The following SOS1 variants were observed in gnomAD, a reference collection of about 807,000 sequenced individuals.
SOS1 encodes the protein son of sevenless homolog 1.
SOS1 carries 25 observed loss-of-function variants against 157.6 expected under a neutral mutation model. That is an observed-to-expected ratio of 0.16 (90% CI 0.12 to 0.22). The LOEUF (loss-of-function observed/expected upper bound fraction) is 0.22, where lower values mean the gene tolerates loss of function less well. Ranked by LOEUF, SOS1 falls within the 10% of genes least tolerant of loss-of-function variation. The pLI is 1.00. For synonymous variants in SOS1, 528 were observed against 534.0 expected (o/e 0.99, Z 0.16); for missense variants, 1,237 against 1,599.1 (o/e 0.77, Z 3.86).
In SOS1 at chr2:38,987,567, C is replaced by T; in HGVS notation, c.3416G>A (p.Ser1139Asn). The T allele has an allele frequency of 6.3e-7, 1 of 1,583,692 alleles. No individual in the cohort carries two copies. Among genetic ancestry groups the T allele is most frequent in the South Asian group, 1.1e-5 (1 of 89,692 alleles). The change falls in exon 22 of 23, where the codon AGT (serine) becomes AAT (asparagine). Residue 1139 changes from serine to asparagine, a missense_variant. By Grantham distance (46) the Ser-to-Asn change is conservative. Around this residue, in one of 15 missense-constraint regions of SOS1, gnomAD observed 306 missense variants for 322.6 expected, o/e 0.95. Coordinates refer to ENST00000402219, the MANE Select transcript of SOS1 (RefSeq NM_005633.4). ...CACTTCATCAGTGCCTTTGGTTAAA[C>T]TTATAGATGATACAGAAGCAGATCC... ...GPRSASVSSISLTKGTDEVPV... is the reference protein window; with the variant it reads ...GPRSASVSSINLTKGTDEVPV...
At chr2:39,007,258 A>G (rs570612413) in intron 15 of SOS1, 65 bp from the exon 16 acceptor site, 6 of 1,023,586 alleles carry the variant, frequency 5.9e-6, no homozygotes. Flanking sequence ...TAGCTTAAAG[A>G]ATTTAGTAAA....
chr2:39,027,234 G>C (rs1354172585), intron 8 of SOS1, among the ~76,000 whole-genome samples: 1 of 152,012 alleles, frequency 6.6e-6, no homozygotes, highest in African/African-American at 2.4e-5. Context: ...AAATCCACTT[G>C]GACATCCTTT....
At chr2:39,010,306 ACT>A (rs1457967593) in intron 15 of SOS1, among the ~76,000 whole-genome samples, 1 of 149,910 alleles carries the variant, frequency 6.7e-6, no homozygotes, top group Non-Finnish European at 1.5e-5. Flanking sequence ...ACAGAGCCAG[ACT>A]CTGTCTCAAA....
intron 20 of SOS1, among the ~76,000 whole-genome samples, chr2:38,990,993 C>T (rs1456329401): frequency 6.6e-6 from 1 of 151,980 alleles, no homozygotes; most frequent in Non-Finnish European, 1.5e-5. Context: ...AGCATAATCC[C>T]AGATGACAGA....
intron 3 of SOS1, 73 bp from the exon 4 acceptor site, chr2:39,056,939 AC>A: frequency 9.4e-7 from 1 of 1,067,758 alleles, no homozygotes; most frequent in Non-Finnish European, 1.4e-6. Context: ...AAAATAAAAA[AC>A]ATATTTGCAC....
chr2:39,087,863 G>A (rs973644617), intron 1 of SOS1, among the ~76,000 whole-genome samples: 2 of 151,888 alleles, frequency 1.3e-5, no homozygotes, highest in African/African-American at 2.4e-5. Flanking sequence ...AATTTTTTTA[G>A]AGATGGGGCT....
chr2:39,042,940 G>A (rs1167814935), intron 6 of SOS1, among the ~76,000 whole-genome samples: 2 of 151,802 alleles, frequency 1.3e-5, no homozygotes, highest in Non-Finnish European at 2.9e-5. Flanking sequence ...AAATTTTCTT[G>A]GGTTTGCTAT....
At chr2:39,058,564 AT>A in intron 3 of SOS1, 108 bp downstream of exon 3, 2 of 1,197,540 alleles carry the variant, frequency 1.7e-6, no homozygotes, top group Non-Finnish European at 2.4e-6. Flanking sequence ...GAATGAGAGA[AT>A]TTTACTCTTA....
intron 8 of SOS1, among the ~76,000 whole-genome samples, chr2:39,031,287 C>T (rs1670151555): frequency 6.6e-6 from 1 of 152,130 alleles, no homozygotes; most frequent in South Asian, 2.1e-4. Flanking sequence ...AGGCAATTCT[C>T]TAGGGAATTC....
At chr2:39,000,343 T>C (rs550383631) in intron 17 of SOS1, among the ~76,000 whole-genome samples, 1 of 152,322 alleles carries the variant, frequency 6.6e-6, no homozygotes, top group South Asian at 2.1e-4. Context: ...TATATACACA[T>C]ATATAGTTTA....
At position 38,985,623 on chromosome 2, in the gene SOS1, T is replaced by G. The variant is rs574669037; in HGVS notation, c.*201A>C. The G allele has an allele frequency of 6.3e-6, 4 of 633,984 alleles. No individual in the cohort carries two copies. In the South Asian group the frequency reaches 7.6e-5, roughly 12 times the overall value. 39.3% of individuals were successfully genotyped at this position (633,984 alleles called of 1,614,324 possible). A position where few individuals can be genotyped will look rare whatever the true frequency, so the allele number is the denominator to read the frequency against. The stretch of plus-strand genomic sequence containing the variant: ...GTTGTCCAATTCCTCTAGGTCGGTC[T>G]TTCCATATTCTAAACTGGAATACCA... On this transcript the variant is annotated 3_prime_UTR_variant, in exon 23 of 23. Coordinates refer to ENST00000402219, the MANE Select transcript of SOS1 (RefSeq NM_005633.4).
intron 19 of SOS1, 114 bp from the exon 20 acceptor site, chr2:38,995,501 A>G: frequency 1.3e-6 from 1 of 782,412 alleles, no homozygotes; most frequent in African/African-American, 1.7e-5. Flanking sequence ...TAAATCACTA[A>G]TAAGGACATA....
chr2:38,993,500 T>G (rs1668795967), intron 20 of SOS1: 1 of 152,150 alleles, frequency 6.6e-6, no homozygotes, highest in African/African-American at 2.4e-5. Flanking sequence ...CAAAGACTAC[T>G]GGGTAACTAC....
intron 1 of SOS1, among the ~76,000 whole-genome samples, chr2:39,110,026 T>TTG (rs150125819): frequency 0.015 from 2,053 of 134,156 alleles, 47 homozygotes; most frequent in African/African-American, 0.042. Flanking sequence ...ACAGATACAG[T>TTG]TGTGTGTGTG....
upstream of SOS1, among the ~76,000 whole-genome samples, chr2:39,123,115 A>G (rs143631079): frequency 1.3e-3 from 205 of 152,264 alleles, 1 homozygote; most frequent in African/African-American, 4.5e-3. Context: ...CAACCTGCCT[A>G]AAGAACATTG....
intron 2 of SOS1, among the ~76,000 whole-genome samples, chr2:39,059,899 A>T (rs1208205783): frequency 6.6e-6 from 1 of 152,188 alleles, no homozygotes; most frequent in East Asian, 1.9e-4. Context: ...AAGCATGTTG[A>T]AAGAAATTAT....
At chr2:39,005,102 C>A (rs1669242236) in intron 17 of SOS1, among the ~76,000 whole-genome samples, 1 of 152,168 alleles carries the variant, frequency 6.6e-6, no homozygotes, top group Non-Finnish European at 1.5e-5. Context: ...TAGTACTAAA[C>A]CCTATACATA....
At chr2:39,097,454 G>A (rs915095454) in intron 1 of SOS1, among the ~76,000 whole-genome samples, 6 of 152,164 alleles carry the variant, frequency 3.9e-5, no homozygotes, top group African/African-American at 1.4e-4. Context: ...CAGAAACTCT[G>A]GGAATGCAGG....
intron 6 of SOS1, among the ~76,000 whole-genome samples, chr2:39,044,934 C>A (rs1185423869): frequency 6.6e-6 from 1 of 152,022 alleles, no homozygotes; most frequent in Admixed American, 6.6e-5. Context: ...CATGCAGATA[C>A]CAAAATCTAG....
Sources: gnomAD v4.1 joint callset for allele counts (sites outside exome capture counted in the v4.1 genomes callset) on GRCh38, gnomAD v4.1.1 for gene constraint, gnomAD v4.1.1 regional missense constraint, MANE v1.5 for transcripts, NCBI Gene and HGNC (gene_info 2026-07-23, HGNC 2026-07-21) for gene names.